Variants in FAM117B observed in about 807,000 individuals in gnomAD.
FAM117B encodes the protein protein FAM117B.
Under a neutral mutation model 52.8 loss-of-function variants are expected in FAM117B, and 22 were observed. That is an observed-to-expected ratio of 0.42 (90% CI 0.30 to 0.59). The LOEUF (loss-of-function observed/expected upper bound fraction) is 0.59. Among genes scored for constraint, FAM117B ranks in the 20% least tolerant of loss-of-function variants. The pLI is 0.22. For missense variants in FAM117B, 678 were observed against 802.6 expected, an observed-to-expected ratio of 0.84 and a Z score of 1.88; for synonymous variants, 309 against 324.1, an observed-to-expected ratio of 0.95 and a Z score of 0.50.
chr2:202,647,186 A>G (rs1244428852), intron 1 of FAM117B, among the ~76,000 whole-genome samples: 1 of 152,158 alleles, frequency 6.6e-6, no homozygotes, highest in East Asian at 1.9e-4. Flanking sequence ...AGGAAAATTT[A>G]TAATGTTTAT....
At chr2:202,653,892 T>G (rs764173283) in intron 1 of FAM117B, among the ~76,000 whole-genome samples, 2 of 152,200 alleles carry the variant, frequency 1.3e-5, no homozygotes, top group Non-Finnish European at 2.9e-5. Context: ...GCATTTCAAG[T>G]ATGCTACTAT....
At chr2:202,696,249 T>C (rs1031127682) in intron 2 of FAM117B, among the ~76,000 whole-genome samples, 3 of 152,230 alleles carry the variant, frequency 2.0e-5, no homozygotes, top group Non-Finnish European at 2.9e-5. Context: ...GCTATCAAAG[T>C]AATTCTGATA....
At position 202,766,111 on chromosome 2, in the gene FAM117B, TGA is replaced by T; in HGVS notation, c.*348_*349del. 6.4e-6 allele frequency: 1 copy of T among 155,550 alleles called. No homozygotes were observed. The highest frequency in any genetic ancestry group is 1.8e-4 in the South Asian group (1 of 5,444). 9.6% of individuals were successfully genotyped at this position (155,550 alleles called of 1,614,324 possible). Reference sequence around the variant, plus strand: ...ACACACACACACACACACACACCCCTGATCCTTGCCAACATGATTCCTAAAGG... The same window carrying T: ...ACACACACACACACACACACACCCCTTCCTTGCCAACATGATTCCTAAAGG... On this transcript the variant is annotated 3_prime_UTR_variant, in exon 8 of 8. Coordinates refer to ENST00000392238, the MANE Select transcript of FAM117B (RefSeq NM_173511.4).
chr2:202,664,795 A>C (rs1690178233), intron 1 of FAM117B, among the ~76,000 whole-genome samples: 1 of 152,158 alleles, frequency 6.6e-6, no homozygotes, highest in Non-Finnish European at 1.5e-5. Flanking sequence ...AGTCAGTCTG[A>C]AGGAATTACG....
chr2:202,644,064 G>GTTTTTTTTTTTTTTTTTTTTTTATTTTT (rs1161026426), intron 1 of FAM117B, among the ~76,000 whole-genome samples: 1 of 95,138 alleles, frequency 1.1e-5, no homozygotes, highest in South Asian at 3.6e-4. Flanking sequence ...TTTTTTTTTT[G>GTTTTTTTTTTTTTTTTTTTTTTATTTTT]TTTTTTTTTT....
chr2:202,648,294 G>T (rs1012023310), intron 1 of FAM117B, among the ~76,000 whole-genome samples: 2 of 151,162 alleles, frequency 1.3e-5, no homozygotes, highest in Admixed American at 1.3e-4. Context: ...TAGATTGCCT[G>T]AGCTCAGAAG....
At chr2:202,635,863 G>A (rs1559090793) in intron 1 of FAM117B, 75 bp downstream of exon 1, 2 of 1,311,534 alleles carry the variant, frequency 1.5e-6, no homozygotes, top group Admixed American at 3.8e-5. Context: ...GCAATCGCGC[G>A]GGGACTGCAG....
intron 2 of FAM117B, among the ~76,000 whole-genome samples, chr2:202,702,585 G>T (rs2105779308): frequency 6.6e-6 from 1 of 151,886 alleles, no homozygotes; most frequent in African/African-American, 2.4e-5. Context: ...ACGGAATCTT[G>T]CTCTGTCGCC....
At chr2:202,743,803 C>G (rs139909891) in intron 4 of FAM117B, among the ~76,000 whole-genome samples, 150 of 152,288 alleles carry the variant, frequency 9.8e-4, no homozygotes, top group African/African-American at 3.1e-3. Flanking sequence ...AATTTCTCAA[C>G]TTGAAGACAG....
intron 1 of FAM117B, among the ~76,000 whole-genome samples, chr2:202,654,272 A>C (rs1322236668): frequency 6.6e-6 from 1 of 152,128 alleles, no homozygotes; most frequent in Admixed American, 6.5e-5. Context: ...CAAAAAAAAA[A>C]AATCTCAGAG....
chr2:202,640,147 T>C (rs1023838419), intron 1 of FAM117B, among the ~76,000 whole-genome samples: 1 of 150,862 alleles, frequency 6.6e-6, no homozygotes, highest in Non-Finnish European at 1.5e-5. Flanking sequence ...GGCAGGCGCC[T>C]ATAATCCCAG....
chr2:202,660,014 C>T (rs947187892), intron 1 of FAM117B, among the ~76,000 whole-genome samples: 5 of 151,934 alleles, frequency 3.3e-5, no homozygotes, highest in African/African-American at 1.2e-4. Flanking sequence ...TTTCTTTCTT[C>T]TGTCACATTC....
At chr2:202,667,875 G>C (rs1690229202) in intron 1 of FAM117B, among the ~76,000 whole-genome samples, 2 of 151,812 alleles carry the variant, frequency 1.3e-5, no homozygotes, top group Non-Finnish European at 2.9e-5. Context: ...AAGAGTAGTG[G>C]ATTGAGGTTA....
intron 2 of FAM117B, among the ~76,000 whole-genome samples, chr2:202,696,640 T>A (rs1690716490): frequency 6.6e-6 from 1 of 152,198 alleles, no homozygotes; most frequent in Non-Finnish European, 1.5e-5. Flanking sequence ...CAAAAAAACC[T>A]TCATGTTTCG....
intron 1 of FAM117B, among the ~76,000 whole-genome samples, chr2:202,654,821 C>G (rs896677529): frequency 6.6e-6 from 1 of 152,034 alleles, no homozygotes; most frequent in Non-Finnish European, 1.5e-5. Flanking sequence ...ATTGAATACT[C>G]TGTCAAATTT....
At chr2:202,714,201 T>C (rs1029739524) in intron 2 of FAM117B, among the ~76,000 whole-genome samples, 2 of 152,204 alleles carry the variant, frequency 1.3e-5, no homozygotes, top group African/African-American at 4.8e-5. Flanking sequence ...TTTCAGAATG[T>C]GTTAAGACTT....
At chr2:202,708,584 C>A (rs550388853) in intron 2 of FAM117B, among the ~76,000 whole-genome samples, 2 of 152,096 alleles carry the variant, frequency 1.3e-5, no homozygotes, top group Non-Finnish European at 1.5e-5. Flanking sequence ...ATTGCTAGAG[C>A]ATGTGGTTTT....
At chr2:202,664,226 G>T (rs1690170098) in intron 1 of FAM117B, among the ~76,000 whole-genome samples, 1 of 152,140 alleles carries the variant, frequency 6.6e-6, no homozygotes, top group Admixed American at 6.6e-5. Context: ...TATCTTTTCT[G>T]AAGTTATATT....
chr2:202,764,073 T>A (rs1013451514), intron 7 of FAM117B, among the ~76,000 whole-genome samples: 1 of 152,186 alleles, frequency 6.6e-6, no homozygotes, highest in Admixed American at 6.5e-5. Context: ...GGATCCCTTC[T>A]CTGAATAATG....
Sources: allele counts gnomAD v4.1 joint callset (sites outside exome capture counted in the v4.1 genomes callset), GRCh38; gene constraint gnomAD v4.1.1; transcripts MANE v1.5; gene names NCBI Gene and HGNC (gene_info 2026-07-23, HGNC 2026-07-21).